The following ARHGEF12 variants were observed in gnomAD, a reference collection of about 807,000 sequenced individuals.
ARHGEF12 encodes the protein Rho guanine nucleotide exchange factor 12, also known as KMT2A/ARHGEF12 fusion protein.
Under a neutral mutation model 211.2 loss-of-function variants are expected in ARHGEF12, and 66 were observed. The observed-to-expected ratio is 0.31, with a 90% confidence interval of 0.26 to 0.38. The LOEUF (loss-of-function observed/expected upper bound fraction) is 0.38, where lower values mean the gene tolerates loss of function less well. Ranked by LOEUF, ARHGEF12 falls within the 10% of genes least tolerant of loss-of-function variation. The pLI is 1.00. For missense variants in ARHGEF12, 1,429 were observed against 1,869.5 expected (o/e 0.76, Z 4.34); for synonymous variants, 592 against 638.4 (o/e 0.93, Z 1.09).
chr11:120,446,358 C>G, intron 16 of ARHGEF12, 45 bp from the exon 17 acceptor site: 1 of 1,476,654 alleles, frequency 6.8e-7, no homozygotes, highest in South Asian at 1.2e-5. Context: ...TTGTATGTTG[C>G]CCAGAACATA....
chr11:120,479,366 G>A (rs1947161296), intron 37 of ARHGEF12, among the ~76,000 whole-genome samples: 1 of 152,206 alleles, frequency 6.6e-6, no homozygotes, highest in African/African-American at 2.4e-5. Flanking sequence ...TGAATTAACA[G>A]TCTTAATAAT....
chr11:120,385,476 C>T (rs1028552613), intron 1 of ARHGEF12: 30 of 985,166 alleles, frequency 3.0e-5, no homozygotes, highest in African/African-American at 2.3e-4. Flanking sequence ...CTGATTTGTC[C>T]GGTGATCCAG....
chr11:120,418,926 A>G (rs886352180), intron 4 of ARHGEF12, among the ~76,000 whole-genome samples: 3 of 151,628 alleles, frequency 2.0e-5, no homozygotes, highest in African/African-American at 7.3e-5. Context: ...TCAGATATCC[A>G]TATTGTGAAT....
chr11:120,383,603 G>A (rs1219711818), intron 1 of ARHGEF12, among the ~76,000 whole-genome samples: 6 of 152,056 alleles, frequency 3.9e-5, no homozygotes, highest in Admixed American at 2.0e-4. Flanking sequence ...TGTGCAGTTC[G>A]CTATAGGGTT....
chr11:120,399,000 G>GT (rs1430435705), intron 1 of ARHGEF12, among the ~76,000 whole-genome samples: 2 of 151,850 alleles, frequency 1.3e-5, no homozygotes, highest in African/African-American at 4.8e-5. Context: ...AATATGTAAG[G>GT]TTTTTATTTC....
chr11:120,449,119 A>G lies in ARHGEF12; in HGVS notation c.1748A>G (p.Lys583Arg). Residue 583 changes from lysine to arginine, a missense_variant, in exon 21 of 41, where the codon AAG becomes AGG. Physicochemically the swap from Lys to Arg is conservative, Grantham distance 26. This residue lies in a region of ARHGEF12 where 373 missense variants were observed against 467.5 expected (regional missense o/e 0.80). Transcript: ENST00000397843. ...GFLPKIKQSM[K>R]KDKEGEEKGK... ...GTACTTCAACTCTAGCAAAGTATGA[A>G]GAAAGATAAAGAAGGGGAAGAAAAA... The G allele has an allele frequency of 6.2e-7, 1 of 1,614,006 alleles. No individual in the cohort carries two copies. Among genetic ancestry groups the G allele is most frequent in the Non-Finnish European group, 8.5e-7 (1 of 1,179,942 alleles).
chr11:120,375,969 T>A (rs1943713741), intron 1 of ARHGEF12, among the ~76,000 whole-genome samples: 2 of 152,122 alleles, frequency 1.3e-5, no homozygotes, highest in Admixed American at 6.6e-5. Flanking sequence ...GGAGTATGGG[T>A]TGTTGGAAGG....
chr11:120,362,910 C>G (rs554967352), intron 1 of ARHGEF12, among the ~76,000 whole-genome samples: 127 of 152,138 alleles, frequency 8.3e-4, no homozygotes, highest in Non-Finnish European at 1.5e-3. Context: ...ACCATCCTGA[C>G]TAACACAGTG....
intron 12 of ARHGEF12, chr11:120,439,902 TC>T (rs1190074405): frequency 4.2e-6 from 2 of 473,080 alleles, no homozygotes; most frequent in East Asian, 7.0e-5. Flanking sequence ...AGTGGTTTTT[TC>T]CCCCCAAAAA....
In ARHGEF12 at chr11:120,473,107, C is replaced by T. The variant is rs1239254628; in HGVS notation, c.3013C>T (p.Pro1005Ser). Residue 1005 changes from proline to serine, a missense_variant, in exon 31 of 41, where the codon CCA (proline) becomes TCA (serine). Pro to Ser is a moderately conservative substitution (Grantham distance 74). Transcript: ENST00000397843. The part of the protein sequence containing the change: ...DTSSLKLSEY[P>S]NVEELRNLDL... ...CTCCAGCCTGAAGTTGTCAGAGTACCCAAATGTTGAAGAGCTCAGGGTGAG... is the reference window on the plus strand; with the variant it reads ...CTCCAGCCTGAAGTTGTCAGAGTACTCAAATGTTGAAGAGCTCAGGGTGAG... 6.2e-7 allele frequency: 1 copy of T among 1,613,280 alleles called. No homozygotes were observed. The highest frequency in any genetic ancestry group is 8.5e-7 in the Non-Finnish European group (1 of 1,179,640).
intron 28 of ARHGEF12, among the ~76,000 whole-genome samples, chr11:120,466,340 G>T (rs797008351): frequency 1.7e-4 from 26 of 152,354 alleles, no homozygotes; most frequent in African/African-American, 6.0e-4. Flanking sequence ...AGAACAGAGA[G>T]ATCTCTGCCA....
At chr11:120,386,816 A>G (rs1016349994) in intron 1 of ARHGEF12, among the ~76,000 whole-genome samples, 1 of 152,136 alleles carries the variant, frequency 6.6e-6, no homozygotes, top group African/African-American at 2.4e-5. Flanking sequence ...AAAAATTGTC[A>G]TTCTCTTTTA....
chr11:120,412,853 G>T (rs931713447), intron 4 of ARHGEF12, among the ~76,000 whole-genome samples: 2 of 151,700 alleles, frequency 1.3e-5, no homozygotes, highest in African/African-American at 4.8e-5. Context: ...TCCATTTTCC[G>T]TCGTCCCCTG....
In ARHGEF12 at chr11:120,448,366, TA is replaced by T. The variant is rs755786379; in HGVS notation, c.1737+20del. ...AAATCAAGGTAAGAATGAAATAATG[TA>T]ATAGCATGTTCAGGCCTTAGGGCTT... On this transcript the variant is annotated intron_variant, in intron 20 of 40. Transcript: ENST00000397843. The T allele has an allele frequency of 1.8e-5, 28 of 1,591,584 alleles. No individual in the cohort carries two copies. Among genetic ancestry groups the T allele is most frequent in the Non-Finnish European group, 2.4e-5 (28 of 1,160,176 alleles).
chr11:120,339,405 T>C (rs1033062465), intron 1 of ARHGEF12, among the ~76,000 whole-genome samples: 1 of 152,134 alleles, frequency 6.6e-6, no homozygotes, highest in Non-Finnish European at 1.5e-5. Context: ...AAGTTACGAG[T>C]ATATAATAGT....
At chr11:120,476,166 G>T (rs1195431612) in intron 33 of ARHGEF12, 1 of 153,560 alleles carries the variant, frequency 6.5e-6, no homozygotes, top group Non-Finnish European at 1.4e-5. Context: ...CACATCCCAG[G>T]CTCAAGCAAT....
chr11:120,466,031 TGG>T (rs1487618714), intron 28 of ARHGEF12, among the ~76,000 whole-genome samples: 2 of 152,240 alleles, frequency 1.3e-5, no homozygotes, highest in African/African-American at 4.8e-5. Context: ...TGGTAAACTA[TGG>T]CCGACAGACC....
At chr11:120,483,671 G>A (rs940414705) in intron 39 of ARHGEF12, among the ~76,000 whole-genome samples, 2 of 151,940 alleles carry the variant, frequency 1.3e-5, no homozygotes, top group African/African-American at 4.8e-5. Flanking sequence ...CTGGAGTGCA[G>A]TGGCATGATC....
chr11:120,409,245 A>C, intron 3 of ARHGEF12, 149 bp from the exon 4 acceptor site: 1 of 657,802 alleles, frequency 1.5e-6, no homozygotes. Context: ...GTTTGTGACT[A>C]TTCTAAGTGC....
Sources: gnomAD v4.1 joint callset for allele counts (sites outside exome capture counted in the v4.1 genomes callset) on GRCh38, gnomAD v4.1.1 for gene constraint, gnomAD v4.1.1 regional missense constraint, MANE v1.5 for transcripts, NCBI Gene and HGNC (gene_info 2026-07-23, HGNC 2026-07-21) for gene names.